Variants in ESRRG observed in about 807,000 individuals in gnomAD.
The protein encoded by ESRRG is estrogen-related receptor gamma.
Under a neutral mutation model 44.0 loss-of-function variants are expected in ESRRG, and 13 were observed. The observed-to-expected ratio is 0.30, with a 90% CI of 0.19 to 0.47. The LOEUF (loss-of-function observed/expected upper bound fraction) is 0.47. Ranked by LOEUF, ESRRG falls within the 20% of genes least tolerant of loss-of-function variation. The probability of loss-of-function intolerance (pLI) is 1.00; values close to 1 mark genes in which losing one functional copy is unlikely to be tolerated. For missense variants in ESRRG, 395 were observed against 580.6 expected, an observed-to-expected ratio of 0.68 and a Z score of 3.29; for synonymous variants, 215 against 214.6, an observed-to-expected ratio of 1.00 and a Z score of -0.02.
chr1:216,858,124 C>T (rs2095982959), intron 2 of ESRRG, among the ~76,000 whole-genome samples: 2 of 152,070 alleles, frequency 1.3e-5, no homozygotes, highest in African/African-American at 4.8e-5. Flanking sequence ...AAAATTAAAC[C>T]ATAATACATT....
chr1:216,728,144 T>C (rs1370824724), upstream of ESRRG, among the ~76,000 whole-genome samples: 1 of 152,208 alleles, frequency 6.6e-6, no homozygotes, highest in Non-Finnish European at 1.5e-5. Context: ...ACAAGCTTTC[T>C]ATAATCTGCA....
chr1:216,720,885 T>C (rs1384871081), intron 1 of ESRRG, among the ~76,000 whole-genome samples: 2 of 152,212 alleles, frequency 1.3e-5, no homozygotes, highest in Non-Finnish European at 2.9e-5. Context: ...TTCAGTTGCC[T>C]TTCCTTCTTC....
In ESRRG at chr1:216,515,274, T is replaced by C. The variant is rs185056647; in HGVS notation, c.1132+3878A>G. Reference sequence around the variant, plus strand: ...GGATGTGTGTACACGTATGTATATATGTGTGTGTATGTATGTATGTGTATA... The same window carrying C: ...GGATGTGTGTACACGTATGTATATACGTGTGTGTATGTATGTATGTGTATA... On this transcript the variant is annotated intron_variant, in intron 6 of 6. Coordinates refer to ENST00000408911, the MANE Select transcript of ESRRG (RefSeq NM_001438.4). Among the ~76,000 whole-genome samples the C allele has an allele frequency of 3.3e-5, 5 of 152,150 alleles. No individual in the cohort carries two copies. The East Asian group carries it at 5.8e-4, about 18-fold the overall frequency.
chr1:216,652,477 A>C (rs1309504982), intron 2 of ESRRG, among the ~76,000 whole-genome samples: 1 of 152,208 alleles, frequency 6.6e-6, no homozygotes. Flanking sequence ...AAACTGGTTA[A>C]GTATGCATGA....
intron 5 of ESRRG, among the ~76,000 whole-genome samples, chr1:216,540,958 G>A (rs1156786175): frequency 6.6e-6 from 1 of 151,952 alleles, no homozygotes; most frequent in Non-Finnish European, 1.5e-5. Context: ...TATAACCCGG[G>A]AAGATGACAT....
At chr1:216,536,719 T>C (rs1421242734) in intron 5 of ESRRG, among the ~76,000 whole-genome samples, 1 of 152,248 alleles carries the variant, frequency 6.6e-6, no homozygotes, top group East Asian at 1.9e-4. Context: ...TTAAAATTTG[T>C]AAAATTCACT....
chr1:216,661,629 G>T (rs940971520), intron 2 of ESRRG, among the ~76,000 whole-genome samples: 5 of 152,142 alleles, frequency 3.3e-5, no homozygotes, highest in Non-Finnish European at 7.4e-5. Flanking sequence ...TTCTTAAATA[G>T]AAATTTTACT....
chr1:216,584,748 C>T (rs1045690987), intron 3 of ESRRG, among the ~76,000 whole-genome samples: 2 of 152,004 alleles, frequency 1.3e-5, no homozygotes, highest in East Asian at 1.9e-4. Context: ...AAAATCAAGG[C>T]GAATAAGAAA....
intron 2 of ESRRG, among the ~76,000 whole-genome samples, chr1:216,938,667 T>C (rs940859098): frequency 3.3e-5 from 5 of 152,196 alleles, no homozygotes; most frequent in African/African-American, 9.6e-5. Flanking sequence ...GCAAGTACCA[T>C]TGAAAGGCAT....
intron 2 of ESRRG, among the ~76,000 whole-genome samples, chr1:216,826,528 T>C (rs2095399554): frequency 6.6e-6 from 1 of 152,192 alleles, no homozygotes; most frequent in Non-Finnish European, 1.5e-5. Context: ...ATTAGATTAT[T>C]ACAATATTAT....
intron 2 of ESRRG, among the ~76,000 whole-genome samples, chr1:216,779,232 T>C (rs867351706): frequency 0.041 from 3,001 of 72,498 alleles, 367 homozygotes; most frequent in African/African-American, 0.087. Flanking sequence ...TATTTATAAA[T>C]ATAAATATAT....
intron 1 of ESRRG, among the ~76,000 whole-genome samples, chr1:216,943,054 CAA>C (rs5780947): frequency 2.0e-5 from 3 of 151,496 alleles, no homozygotes; most frequent in East Asian, 1.9e-4. Flanking sequence ...AAACTTATTA[CAA>C]AAAAAAATAC....
Position 216,575,187 on chromosome 1 carries a change from T to G in ESRRG, c.590-7089A>C, listed in dbSNP as rs138892692. ...ACAGGCTTCTCAGTAAGAGGAGTAGTGAACATTATTTGTATATTCACACGT... is the reference window on the plus strand; with the variant it reads ...ACAGGCTTCTCAGTAAGAGGAGTAGGGAACATTATTTGTATATTCACACGT... On this transcript the variant is annotated intron_variant, in intron 3 of 6. Transcript: ENST00000408911. Among the ~76,000 whole-genome samples the G allele has an allele frequency of 3.2e-3, 489 of 152,204 alleles. 3 individuals are homozygous for G. Among genetic ancestry groups the G allele is most frequent in the African/African-American group, 0.012 (482 of 41,544 alleles).
At chr1:216,753,399 G>A (rs566138607) in intron 2 of ESRRG, among the ~76,000 whole-genome samples, 8 of 152,110 alleles carry the variant, frequency 5.3e-5, no homozygotes, top group South Asian at 2.1e-4. Context: ...AAGAAGGTTG[G>A]AATTTATGAG....
chr1:216,877,383 TTTTTTGTTTGTTTG>T lies in ESRRG; in HGVS notation c.-14+62185_-14+62198del, dbSNP rs1451879595. On this transcript the variant is annotated intron_variant, in intron 2 of 7. Coordinates refer to the ESRRG transcript ENST00000359162. ...ATGCTTTTTTATAGGTATGGTGTTT[TTTTTTGTTTGTTTG>T]TTTGTTTGTTTGTTTGTTTGTTTTG... Among the ~76,000 whole-genome samples, 50 of 142,948 alleles carry T rather than the reference TTTTTTGTTTGTTTG, an allele frequency of 3.5e-4. 1 individual carries two copies. Among genetic ancestry groups the T allele is most frequent in the African/African-American group, 1.0e-3 (40 of 39,960 alleles). 93.8% of individuals were successfully genotyped at this position (142,948 alleles called of 152,430 possible). A position where few individuals can be genotyped will look rare whatever the true frequency, so the allele number is the denominator to read the frequency against.
chr1:216,918,084 A>G (rs1345516852), intron 2 of ESRRG, among the ~76,000 whole-genome samples: 2 of 152,168 alleles, frequency 1.3e-5, no homozygotes, highest in Non-Finnish European at 1.5e-5. Context: ...AGCCCTTTAA[A>G]GTTGTTATTT....
chr1:217,075,482 C>G (rs2091156339), intron 1 of ESRRG, among the ~76,000 whole-genome samples: 1 of 152,010 alleles, frequency 6.6e-6, no homozygotes, highest in Non-Finnish European at 1.5e-5. Context: ...TATCTTTCAG[C>G]TTGGAGAATC....
chr1:216,809,817 T>C (rs2094913323), intron 2 of ESRRG, among the ~76,000 whole-genome samples: 1 of 152,150 alleles, frequency 6.6e-6, no homozygotes, highest in South Asian at 2.1e-4. Context: ...CTAAGGGGCA[T>C]GAAATGAGCT....
chr1:216,996,796 G>C, intron 1 of ESRRG, among the ~76,000 whole-genome samples: 1 of 152,082 alleles, frequency 6.6e-6, no homozygotes, highest in East Asian at 1.9e-4. Context: ...AACACTCTCA[G>C]TGGGCCAGCA....
Sources: gnomAD v4.1 joint callset for allele counts (sites outside exome capture counted in the v4.1 genomes callset) on GRCh38, gnomAD v4.1.1 for gene constraint, MANE v1.5 for transcripts, NCBI Gene and HGNC (gene_info 2026-07-23, HGNC 2026-07-21) for gene names.